PARN: variants seen among roughly 807,000 people sequenced by gnomAD.
The protein encoded by PARN is poly(A)-specific ribonuclease PARN.
Under a neutral mutation model 102.8 loss-of-function variants are expected in PARN, and 71 were observed. That is an observed-to-expected ratio of 0.69 (90% confidence interval 0.57 to 0.84). The LOEUF is 0.84. Ranked by LOEUF, PARN falls within the 40% of genes least tolerant of loss-of-function variation. The pLI is 0.00. For synonymous variants in PARN, 261 were observed against 252.9 expected, an observed-to-expected ratio of 1.03 and a Z score of -0.30; for missense variants, 782 against 760.9, an observed-to-expected ratio of 1.03 and a Z score of -0.33.
At chr16:14,586,571 T>C (rs1445064122) in intron 13 of PARN, among the ~76,000 whole-genome samples, 2 of 152,144 alleles carry the variant, frequency 1.3e-5, no homozygotes, top group African/African-American at 4.8e-5. Context: ...TATAACCTGA[T>C]AACTAACTTC....
At chr16:14,512,928 A>G (rs1965272993) in intron 21 of PARN, among the ~76,000 whole-genome samples, 2 of 152,160 alleles carry the variant, frequency 1.3e-5, no homozygotes, top group African/African-American at 2.4e-5. Flanking sequence ...AAGAAATATT[A>G]TCATTATTTT....
intron 5 of PARN, among the ~76,000 whole-genome samples, chr16:14,624,342 A>G (rs1005633765): frequency 3.9e-5 from 6 of 152,230 alleles, no homozygotes; most frequent in African/African-American, 1.4e-4. Flanking sequence ...ATCCAAAAAT[A>G]CATTAACCTT....
At chr16:14,453,994 C>T (rs1053371367) in intron 22 of PARN, among the ~76,000 whole-genome samples, 1 of 152,086 alleles carries the variant, frequency 6.6e-6, no homozygotes, top group African/African-American at 2.4e-5. Context: ...TTTAACTTTA[C>T]AGGAAACTGC....
At chr16:14,557,775 T>C (rs2151714357) in intron 18 of PARN, among the ~76,000 whole-genome samples, 1 of 152,334 alleles carries the variant, frequency 6.6e-6, no homozygotes, top group African/African-American at 2.4e-5. Flanking sequence ...AAGTGTACTA[T>C]TCTGGTTTTG....
intron 21 of PARN, among the ~76,000 whole-genome samples, chr16:14,519,242 T>C (rs1965612442): frequency 6.9e-6 from 1 of 145,130 alleles, no homozygotes; most frequent in African/African-American, 2.6e-5. Flanking sequence ...TATTTTCATC[T>C]GAAAGAAAAG....
chr16:14,539,976 T>A (rs1596615369), intron 21 of PARN, among the ~76,000 whole-genome samples: 1 of 152,206 alleles, frequency 6.6e-6, no homozygotes, highest in South Asian at 2.1e-4. Context: ...CTAGTGATGT[T>A]TTTAAGTATA....
intron 21 of PARN, among the ~76,000 whole-genome samples, chr16:14,512,555 T>G (rs779763837): frequency 6.6e-6 from 1 of 152,102 alleles, no homozygotes; most frequent in South Asian, 2.1e-4. Flanking sequence ...TAAAGACACC[T>G]GGGGGAATGG....
intron 6 of PARN, among the ~76,000 whole-genome samples, chr16:14,616,666 C>A (rs770970011): frequency 6.6e-6 from 1 of 151,980 alleles, no homozygotes; most frequent in Non-Finnish European, 1.5e-5. Flanking sequence ...ATCATTTGAG[C>A]CCAGGAGGTC....
At chr16:14,480,560 A>C (rs868400881) in intron 22 of PARN, among the ~76,000 whole-genome samples, 1 of 152,248 alleles carries the variant, frequency 6.6e-6, no homozygotes, top group Non-Finnish European at 1.5e-5. Flanking sequence ...AGAACATTAA[A>C]TGGTCGTCAA....
intron 23 of PARN, among the ~76,000 whole-genome samples, chr16:14,445,754 T>C (rs12932471): frequency 1.3e-5 from 2 of 152,154 alleles, no homozygotes; most frequent in Non-Finnish European, 2.9e-5. Flanking sequence ...AGTAGAGACG[T>C]GGTTTTGCCA....
chr16:14,580,706 C>A (rs1969480344), intron 18 of PARN, among the ~76,000 whole-genome samples, 168 bp downstream of exon 18: 1 of 151,504 alleles, frequency 6.6e-6, no homozygotes, highest in Non-Finnish European at 1.5e-5. Context: ...TACATTTGTT[C>A]CCCAAAAGGT....
intron 13 of PARN, chr16:14,591,917 A>C (rs1970219831): frequency 1.3e-5 from 2 of 152,254 alleles, no homozygotes. Flanking sequence ...ACGCACCTGT[A>C]GTCCCAGCTA....
intron 12 of PARN, among the ~76,000 whole-genome samples, chr16:14,595,813 G>A (rs1207013835): frequency 4.0e-5 from 6 of 151,788 alleles, no homozygotes; most frequent in South Asian, 4.2e-4. Context: ...TTACAGGAGC[G>A]AGCCACCACA....
rs1372558205 is a variant in PARN, at chr16:14,473,936, A to G, written c.1670+8702T>C. On this transcript the variant is annotated intron_variant, in intron 22 of 23. Coordinates refer to ENST00000437198, the MANE Select transcript of PARN (RefSeq NM_002582.4). Reference sequence around the variant, plus strand: ...AAACCATGAGAAGGACCTTCTAAAAACTTCTAGTATATAGCTGGTAGGTGG... The same window carrying G: ...AAACCATGAGAAGGACCTTCTAAAAGCTTCTAGTATATAGCTGGTAGGTGG... Among the ~76,000 whole-genome samples, 44 of 152,056 alleles carry G rather than the reference A, an allele frequency of 2.9e-4. 1 individual carries two copies. The highest frequency in any genetic ancestry group is 2.9e-3 in the Admixed American group (44 of 15,260).
intron 22 of PARN, among the ~76,000 whole-genome samples, chr16:14,450,337 T>A (rs542090484): frequency 5.9e-5 from 9 of 152,206 alleles, no homozygotes; most frequent in Non-Finnish European, 1.0e-4. Flanking sequence ...TGAAAACACT[T>A]AGCTGCATGA....
intron 12 of PARN, among the ~76,000 whole-genome samples, chr16:14,599,037 CTTTTTTTTTTTT>C (rs71150194): frequency 1.2e-4 from 10 of 81,460 alleles, no homozygotes; most frequent in East Asian, 6.4e-4. Context: ...TTCTCCTCTT[CTTTTTTTTTTTT>C]TTTTTTTTTT....
intron 21 of PARN, among the ~76,000 whole-genome samples, chr16:14,530,563 TA>T (rs1966270647): frequency 6.6e-6 from 1 of 152,108 alleles, no homozygotes; most frequent in Non-Finnish European, 1.5e-5. Flanking sequence ...AAAACTATAT[TA>T]TATAAGACAC....
At chr16:14,443,474 G>A (rs138804416) in intron 23 of PARN, among the ~76,000 whole-genome samples, 13,788 of 151,726 alleles carry the variant, frequency 0.091, 943 homozygotes, top group African/African-American at 0.2. Context: ...CCAAGTAGCT[G>A]GGATTACAGG....
Position 14,554,156 on chromosome 16 carries a change from A to C in PARN, c.1319-5T>G, listed in dbSNP as rs570125793. 6.2e-7 allele frequency: 1 copy of C among 1,600,132 alleles called. No homozygotes were observed. The highest frequency in any genetic ancestry group is 1.3e-5 in the African/African-American group (1 of 74,670). On this transcript the variant is annotated splice_polypyrimidine_tract_variant and splice_region_variant and intron_variant, in intron 19 of 23. Transcript: ENST00000437198. ...CATGATCACGTTTAGGCTGCACTAC[A>C]AGACAAATTTATGATGAAATATTGA... is the stretch of plus-strand genomic sequence containing the variant.
Sources: allele counts gnomAD v4.1 joint callset (sites outside exome capture counted in the v4.1 genomes callset), GRCh38; gene constraint gnomAD v4.1.1; transcripts MANE v1.5; gene names NCBI Gene and HGNC (gene_info 2026-07-23, HGNC 2026-07-21).